Variants in SUPT20H observed in about 807,000 individuals in gnomAD.
The protein encoded by SUPT20H is SPT20 homolog, SAGA complex component, also known as transcription factor SPT20 homolog.
Under a neutral mutation model 122.8 loss-of-function variants are expected in SUPT20H, and 82 were observed. The ratio of observed to expected loss-of-function variants is 0.67; its 90% CI spans 0.56 to 0.80. The LOEUF is 0.80. SUPT20H is among the 30% of genes least tolerant of loss of function. SUPT20H has a pLI of 0.00. For synonymous variants in SUPT20H, 291 were observed against 313.0 expected, an observed-to-expected ratio of 0.93 and a Z score of 0.74; for missense variants, 831 against 921.6, an observed-to-expected ratio of 0.90 and a Z score of 1.27.
intron 1 of SUPT20H, among the ~76,000 whole-genome samples, chr13:37,054,200 G>C (rs1250058829): frequency 2.6e-4 from 39 of 152,230 alleles, no homozygotes; most frequent in African/African-American, 5.5e-4. Flanking sequence ...CAAGGAGGAG[G>C]TGGTACCATT....
chr13:37,031,479 T>G, intron 12 of SUPT20H, 88 bp downstream of exon 12: 2 of 825,400 alleles, frequency 2.4e-6, no homozygotes, highest in Non-Finnish European at 3.6e-6. Context: ...TAAAGTAAGT[T>G]TTTTTTTTGT....
chr13:37,044,019 T>C (rs1408033585), intron 7 of SUPT20H, 59 bp downstream of exon 7: 15 of 1,048,228 alleles, frequency 1.4e-5, no homozygotes, highest in Admixed American at 8.5e-5. Context: ...AAATGTGACA[T>C]ATATATATCA....
At chr13:37,016,220 G>A (rs1193620629) in intron 23 of SUPT20H, among the ~76,000 whole-genome samples, 1 of 151,946 alleles carries the variant, frequency 6.6e-6, no homozygotes, top group African/African-American at 2.4e-5. Context: ...CACGAGGTCA[G>A]GAGATCAAGA....
chr13:37,048,235 C>T (rs2066898505), intron 3 of SUPT20H, among the ~76,000 whole-genome samples: 2 of 152,098 alleles, frequency 1.3e-5, no homozygotes, highest in South Asian at 4.1e-4. Context: ...AATATGCTTA[C>T]TGTATGAAAA....
intron 1 of SUPT20H, among the ~76,000 whole-genome samples, chr13:37,052,698 A>G (rs1199973): frequency 0.051 from 7,784 of 152,268 alleles, 662 homozygotes; most frequent in African/African-American, 0.18. Context: ...TAATTAAACT[A>G]AAGAGCTTCT....
At chr13:37,046,249 T>C (rs1053163076) in intron 5 of SUPT20H, among the ~76,000 whole-genome samples, 8 of 152,096 alleles carry the variant, frequency 5.3e-5, no homozygotes, top group Non-Finnish European at 8.8e-5. Context: ...TTTAACCACT[T>C]TGATGTTAAA....
chr13:37,016,346 C>T (rs769240877), intron 23 of SUPT20H, among the ~76,000 whole-genome samples: 1 of 151,750 alleles, frequency 6.6e-6, no homozygotes, highest in African/African-American at 2.4e-5. Flanking sequence ...AGGAGAATCG[C>T]TTCAACCCAG....
rs1170084408 is a variant in SUPT20H, at chr13:37,025,379, A to G, written c.1270T>C (p.Ser424Pro). The G allele has an allele frequency of 6.2e-7, 1 of 1,614,058 alleles. No individual in the cohort carries two copies. Among genetic ancestry groups the G allele is most frequent in the Non-Finnish European group, 8.5e-7 (1 of 1,179,936 alleles). ...CTGGCTGAGCCACTGGAGCTGTGTGACATCTTGACCGGACATTTGGCTTCA... is the reference window on the plus strand; with the variant it reads ...CTGGCTGAGCCACTGGAGCTGTGTGGCATCTTGACCGGACATTTGGCTTCA... ...QNEAKCPVKM[S>P]HSSSGSASLS... The change falls in exon 17 of 26, where the codon TCA (serine) becomes CCA (proline). Residue 424 changes from serine to proline, a missense_variant. Ser to Pro is a moderately conservative substitution (Grantham distance 74). Transcript: ENST00000350612.
intron 23 of SUPT20H, among the ~76,000 whole-genome samples, chr13:37,016,097 T>C (rs1234567920): frequency 6.6e-6 from 1 of 152,160 alleles, no homozygotes; most frequent in Non-Finnish European, 1.5e-5. Flanking sequence ...ACAATGTGAA[T>C]ACACTTAACA....
intron 22 of SUPT20H, 87 bp from the exon 23 acceptor site, chr13:37,017,451 T>C (rs1241878100): frequency 7.5e-7 from 1 of 1,339,738 alleles, no homozygotes; most frequent in South Asian, 1.5e-5. Context: ...TTTTGGATCA[T>C]TTGCTATGTG....
chr13:37,054,449 C>T (rs2068479719), intron 1 of SUPT20H, among the ~76,000 whole-genome samples: 3 of 152,196 alleles, frequency 2.0e-5, no homozygotes, highest in Admixed American at 2.0e-4. Flanking sequence ...CCATGGGATG[C>T]AAGGCTGGTT....
chr13:37,048,090 A>AT (rs1429881101), intron 3 of SUPT20H, among the ~76,000 whole-genome samples, 154 bp from the exon 4 acceptor site: 1 of 152,236 alleles, frequency 6.6e-6, no homozygotes, highest in Non-Finnish European at 1.5e-5. Context: ...ACATCTAAAG[A>AT]TAAGTTTCAA....
At chr13:37,048,240 T>C (rs2066899196) in intron 3 of SUPT20H, among the ~76,000 whole-genome samples, 1 of 152,184 alleles carries the variant, frequency 6.6e-6, no homozygotes, top group South Asian at 2.1e-4. Context: ...GCTTACTGTA[T>C]GAAAAATTGT....
chr13:37,051,212 T>C (rs1282738811), intron 2 of SUPT20H, among the ~76,000 whole-genome samples: 1 of 152,200 alleles, frequency 6.6e-6, no homozygotes, highest in Non-Finnish European at 1.5e-5. Flanking sequence ...TTGCCAACGA[T>C]TTGGAATATG....
At chr13:37,042,077 G>A (rs1409680450) in intron 7 of SUPT20H, among the ~76,000 whole-genome samples, 3 of 152,198 alleles carry the variant, frequency 2.0e-5, no homozygotes, top group African/African-American at 7.2e-5. Context: ...GGAATGCAGC[G>A]AGTGAGGATG....
At chr13:37,038,574 A>C (rs912630598) in intron 9 of SUPT20H, 2 of 152,204 alleles carry the variant, frequency 1.3e-5, no homozygotes, top group Admixed American at 6.5e-5. Context: ...CTTAGTTTAT[A>C]ATCACATGTC....
chr13:37,045,724 C>CAT (rs1191152981), intron 5 of SUPT20H, among the ~76,000 whole-genome samples: 1 of 151,872 alleles, frequency 6.6e-6, no homozygotes, highest in East Asian at 1.9e-4. Context: ...ATATATAAAA[C>CAT]ACAGAAGCAT....
At chr13:37,057,643 G>A (rs909405102) in intron 1 of SUPT20H, among the ~76,000 whole-genome samples, 13 of 151,798 alleles carry the variant, frequency 8.6e-5, no homozygotes, top group African/African-American at 3.1e-4. Flanking sequence ...AGTAGTTCCA[G>A]ACCTGCCTGA....
intron 21 of SUPT20H, among the ~76,000 whole-genome samples, chr13:37,020,548 A>G (rs1365898675): frequency 6.6e-6 from 1 of 152,190 alleles, no homozygotes; most frequent in Non-Finnish European, 1.5e-5. Context: ...TAGTAGTTAC[A>G]TGTAAATATC....
Sources: allele counts gnomAD v4.1 joint callset (sites outside exome capture counted in the v4.1 genomes callset), GRCh38; gene constraint gnomAD v4.1.1; transcripts MANE v1.5; gene names NCBI Gene and HGNC (gene_info 2026-07-23, HGNC 2026-07-21).